Variants in USP25 observed in about 807,000 individuals in gnomAD.
USP25 encodes ubiquitin specific peptidase 25.
USP25 carries 85 observed loss-of-function variants against 158.5 expected under a neutral mutation model. That is an observed-to-expected ratio of 0.54 (90% CI 0.45 to 0.64). The LOEUF (loss-of-function observed/expected upper bound fraction) is 0.64, where lower values mean the gene tolerates loss of function less well. Ranked by LOEUF, USP25 falls within the 30% of genes least tolerant of loss-of-function variation. USP25 has a pLI of 0.00. For synonymous variants in USP25, 464 were observed against 460.4 expected, an observed-to-expected ratio of 1.01 and a Z score of -0.10; for missense variants, 1,242 against 1,327.3, an observed-to-expected ratio of 0.94 and a Z score of 1.00.
intron 17 of USP25, among the ~76,000 whole-genome samples, chr21:15,841,298 C>A (rs1188287020): frequency 6.6e-6 from 1 of 152,126 alleles, no homozygotes; most frequent in African/African-American, 2.4e-5. Flanking sequence ...ACATTTATTT[C>A]TTTTTCATGT....
At chr21:15,872,027 T>TG (rs1187532544) in intron 23 of USP25, among the ~76,000 whole-genome samples, 2 of 147,532 alleles carry the variant, frequency 1.4e-5, no homozygotes, top group Non-Finnish European at 3.0e-5. Context: ...TTTTTTTTTT[T>TG]TTTTTTTTTT....
At chr21:15,743,033 G>A (rs1395168461) in intron 1 of USP25, among the ~76,000 whole-genome samples, 1 of 152,214 alleles carries the variant, frequency 6.6e-6, no homozygotes, top group African/African-American at 2.4e-5. Context: ...GGGGAGTCCC[G>A]AGGTCTGAGC....
intron 20 of USP25, among the ~76,000 whole-genome samples, chr21:15,852,550 T>C (rs2038937387): frequency 6.6e-6 from 1 of 152,158 alleles, no homozygotes; most frequent in South Asian, 2.1e-4. Context: ...GTTAGTATTA[T>C]CACGAAGCTT....
intron 3 of USP25, among the ~76,000 whole-genome samples, chr21:15,775,162 TG>T (rs2034565624): frequency 6.6e-6 from 1 of 152,204 alleles, no homozygotes; most frequent in African/African-American, 2.4e-5. Flanking sequence ...AAAATATATT[TG>T]GGGAAAAAAC....
intron 16 of USP25, 75 bp downstream of exon 16, chr21:15,831,704 G>A: frequency 8.3e-7 from 1 of 1,204,142 alleles, no homozygotes; most frequent in Non-Finnish European, 1.2e-6. Context: ...GATTAGTTAA[G>A]TGTAATTCAC....
intron 3 of USP25, among the ~76,000 whole-genome samples, chr21:15,775,739 A>ACCCCCCCCCCCCCCCCCCCCCCCCCCCC (rs57912569): frequency 1.4e-4 from 2 of 14,050 alleles, no homozygotes; most frequent in Admixed American, 9.1e-4. Flanking sequence ...AATGGTTGCC[A>ACCCCCCCCCCCCCCCCCCCCCCCCCCCC]CCCCCCCCCC....
chr21:15,772,599 A>G (rs1041131943), intron 3 of USP25, among the ~76,000 whole-genome samples: 2 of 152,188 alleles, frequency 1.3e-5, no homozygotes, highest in Non-Finnish European at 2.9e-5. Context: ...GACTTTTACC[A>G]GTTAGAAGTT....
At chr21:15,798,218 T>C (rs2035956323) in intron 5 of USP25, among the ~76,000 whole-genome samples, 1 of 151,290 alleles carries the variant, frequency 6.6e-6, no homozygotes, top group South Asian at 2.1e-4. Flanking sequence ...TTTCATGATA[T>C]TGCTAATCTT....
At chr21:15,866,824 C>T (rs548899682) in intron 22 of USP25, among the ~76,000 whole-genome samples, 111 of 152,136 alleles carry the variant, frequency 7.3e-4, no homozygotes, top group African/African-American at 2.6e-3. Flanking sequence ...ATTTGACACA[C>T]GAGAAAATAA....
At chr21:15,838,502 C>A (rs1359455045) in intron 17 of USP25, among the ~76,000 whole-genome samples, 12 of 152,082 alleles carry the variant, frequency 7.9e-5, no homozygotes, top group Admixed American at 7.9e-4. Flanking sequence ...AAACCTCTCT[C>A]CCCCACACCC....
intron 19 of USP25, among the ~76,000 whole-genome samples, chr21:15,849,232 GT>G (rs1363669401): frequency 2.0e-5 from 3 of 152,134 alleles, no homozygotes; most frequent in Non-Finnish European, 2.9e-5. Context: ...AGAGTTGTGT[GT>G]TTTGTCGTTT....
intron 2 of USP25, among the ~76,000 whole-genome samples, chr21:15,764,978 A>G (rs995923565): frequency 6.6e-6 from 1 of 152,132 alleles, no homozygotes; most frequent in Non-Finnish European, 1.5e-5. Context: ...ATTTAATAAG[A>G]TAGCAATAAT....
chr21:15,805,082 A>T, intron 6 of USP25, 39 bp from the exon 7 acceptor site: 3 of 1,536,944 alleles, frequency 2.0e-6, no homozygotes, highest in Non-Finnish European at 2.6e-6. Context: ...CTTAATCTTC[A>T]GTTAAGGTGT....
Position 15,874,469 on chromosome 21 carries a change from C to T in USP25, c.2952C>T (p.Gly984=). Residue 984 remains glycine, a synonymous_variant, in exon 24 of 26, where the codon GGC becomes GGT. Transcript: ENST00000400183. ...YQNNKELLSK[G]LYRGHDEELI... ...ATAACAAAGAACTCTTGTCTAAAGGCTTATACAGAGGACATGATGAAGAAT... is the reference window on the plus strand; with the variant it reads ...ATAACAAAGAACTCTTGTCTAAAGGTTTATACAGAGGACATGATGAAGAAT... 6.2e-7 allele frequency: 1 copy of T among 1,611,258 alleles called. No individual in the cohort carries two copies. Among genetic ancestry groups the T allele is most frequent in the Non-Finnish European group, 8.5e-7 (1 of 1,178,670 alleles).
At chr21:15,844,199 T>TAA (rs1335081938) in intron 18 of USP25, among the ~76,000 whole-genome samples, 2 of 152,304 alleles carry the variant, frequency 1.3e-5, no homozygotes, top group South Asian at 4.1e-4. Flanking sequence ...GGCTTGATCT[T>TAA]ACAGTCAGTT....
intron 5 of USP25, among the ~76,000 whole-genome samples, chr21:15,795,651 C>T (rs1262993709): frequency 6.6e-6 from 1 of 151,472 alleles, no homozygotes; most frequent in Admixed American, 6.6e-5. Context: ...AATCATCTCT[C>T]CTTTGTACTG....
chr21:15,816,630 G>C lies in USP25; in HGVS notation c.932-2068G>C, dbSNP rs2036950434. On this transcript the variant is annotated intron_variant, in intron 9 of 25. Coordinates refer to ENST00000400183, the MANE Select transcript of USP25 (RefSeq NM_001283041.3). The surrounding 1 kb of genome is among the most constrained non-coding windows in gnomAD (Gnocchi z 4.0). ...TTTCTTCTTCCTGTCCCATCCCCTA[G>C]GCATCTCATTCAGTGCCTTAATTTC... is the stretch of plus-strand genomic sequence containing the variant. 6.6e-6 allele frequency among the ~76,000 whole-genome samples: 1 copy of C among 151,980 alleles called. No homozygotes were observed. Among genetic ancestry groups the C allele is most frequent in the African/African-American group, 2.4e-5 (1 of 41,378 alleles).
chr21:15,815,644 C>T (rs1379977477), intron 9 of USP25, among the ~76,000 whole-genome samples: 3 of 152,058 alleles, frequency 2.0e-5, no homozygotes, highest in African/African-American at 7.2e-5. Flanking sequence ...AGACTGTAAC[C>T]CCTTTGTTTT....
chr21:15,836,135 G>A (rs2146414550), intron 17 of USP25, among the ~76,000 whole-genome samples: 1 of 152,178 alleles, frequency 6.6e-6, no homozygotes, highest in Admixed American at 6.5e-5. Context: ...CCAGTGACTA[G>A]TGGAAATAAT....
Sources: gnomAD v4.1 joint callset for allele counts (sites outside exome capture counted in the v4.1 genomes callset) on GRCh38, gnomAD v4.1.1 for gene constraint, Gnocchi (gnomAD v3.1) non-coding constraint, MANE v1.5 for transcripts, NCBI Gene and HGNC (gene_info 2026-07-23, HGNC 2026-07-21) for gene names.